SPOCK3: variants seen among roughly 807,000 people sequenced by gnomAD.
SPOCK3 encodes the protein SPARC (osteonectin), cwcv and kazal like domains proteoglycan 3.
SPOCK3 carries 30 observed loss-of-function variants against 56.6 expected under a neutral mutation model. The ratio of observed to expected loss-of-function variants is 0.53; its 90% CI spans 0.40 to 0.72. The LOEUF (loss-of-function observed/expected upper bound fraction) is 0.72, where lower values mean the gene tolerates loss of function less well. Among genes scored for constraint, SPOCK3 ranks in the 30% least tolerant of loss-of-function variants. SPOCK3 has a pLI of 0.00. For synonymous variants in SPOCK3, 196 were observed against 183.3 expected (o/e 1.07, Z -0.56); for missense variants, 527 against 530.0 (o/e 0.99, Z 0.06).
chr4:167,139,124 T>C (rs756744056), intron 2 of SPOCK3, among the ~76,000 whole-genome samples: 90 of 152,004 alleles, frequency 5.9e-4, no homozygotes, highest in Non-Finnish European at 1.1e-3. Context: ...CCTTCAATTC[T>C]ACAACCATGT....
intron 6 of SPOCK3, among the ~76,000 whole-genome samples, chr4:166,838,840 G>A (rs960374187): frequency 2.0e-5 from 3 of 149,780 alleles, no homozygotes; most frequent in Non-Finnish European, 4.4e-5. Context: ...GCAGACACCT[G>A]TAATCCAGCT....
At chr4:166,814,516 T>A (rs1396354965) in intron 6 of SPOCK3, among the ~76,000 whole-genome samples, 1 of 152,084 alleles carries the variant, frequency 6.6e-6, no homozygotes, top group Non-Finnish European at 1.5e-5. Context: ...TAAGCTGGCT[T>A]GCTGATTCTT....
chr4:167,198,908 ATTAAT>A (rs1268425253), intron 2 of SPOCK3, among the ~76,000 whole-genome samples: 1 of 152,164 alleles, frequency 6.6e-6, no homozygotes, highest in African/African-American at 2.4e-5. Flanking sequence ...AAGTTTATTT[ATTAAT>A]TTAAGAAGCT....
intron 3 of SPOCK3, among the ~76,000 whole-genome samples, chr4:167,017,565 AC>A (rs1409906690): frequency 6.6e-6 from 1 of 151,992 alleles, no homozygotes; most frequent in African/African-American, 2.4e-5. Context: ...CCCACCTTAC[AC>A]CCAGACTGAC....
chr4:167,046,429 C>CT (rs376740568), intron 3 of SPOCK3, among the ~76,000 whole-genome samples: 4 of 91,258 alleles, frequency 4.4e-5, no homozygotes, highest in Non-Finnish European at 9.6e-5. Context: ...CCTTTATTAT[C>CT]TTTTTTTTCT....
chr4:166,768,896 T>G (rs1037794637), intron 7 of SPOCK3, among the ~76,000 whole-genome samples: 2 of 152,176 alleles, frequency 1.3e-5, no homozygotes, highest in South Asian at 4.1e-4. Context: ...CTTTTTACCC[T>G]TTTTTCTCCA....
At chr4:166,884,026 A>G (rs1005648541) in intron 6 of SPOCK3, among the ~76,000 whole-genome samples, 1 of 152,210 alleles carries the variant, frequency 6.6e-6, no homozygotes, top group African/African-American at 2.4e-5. Flanking sequence ...ATCAAGAAGC[A>G]GTATATAACT....
chr4:167,008,285 A>G (rs994277631), intron 3 of SPOCK3, among the ~76,000 whole-genome samples: 4 of 152,022 alleles, frequency 2.6e-5, no homozygotes, highest in Non-Finnish European at 2.9e-5. Flanking sequence ...TACCATGTCG[A>G]TCCTACTGTA....
intron 8 of SPOCK3, among the ~76,000 whole-genome samples, chr4:166,749,589 A>C (rs936219481): frequency 1.3e-5 from 2 of 152,092 alleles, no homozygotes; most frequent in Non-Finnish European, 2.9e-5. Flanking sequence ...ATACATATGT[A>C]ACAAACCTGC....
chr4:167,158,366 G>T (rs905950510), intron 2 of SPOCK3, among the ~76,000 whole-genome samples: 1 of 151,906 alleles, frequency 6.6e-6, no homozygotes, highest in African/African-American at 2.4e-5. Context: ...ATATTAAAAT[G>T]TCATGCCTGG....
intron 2 of SPOCK3, among the ~76,000 whole-genome samples, chr4:167,087,567 A>G (rs1348197605): frequency 6.6e-6 from 1 of 152,164 alleles, no homozygotes; most frequent in Non-Finnish European, 1.5e-5. Flanking sequence ...AACAATTCTT[A>G]CAACATTTCA....
chr4:167,205,125 GA>G (rs1314800621), intron 2 of SPOCK3, among the ~76,000 whole-genome samples: 9 of 100,156 alleles, frequency 9.0e-5, no homozygotes, highest in Admixed American at 1.4e-4. Context: ...ATGCCTGACT[GA>G]AAAAAAAAAT....
chr4:166,787,426 A>G (rs1740847816), intron 7 of SPOCK3, among the ~76,000 whole-genome samples: 1 of 152,182 alleles, frequency 6.6e-6, no homozygotes, highest in African/African-American at 2.4e-5. Context: ...TAATAAAAAT[A>G]GAGATTGCTG....
At chr4:167,111,723 T>C (rs1402193377) in intron 2 of SPOCK3, among the ~76,000 whole-genome samples, 1 of 151,724 alleles carries the variant, frequency 6.6e-6, no homozygotes, top group Non-Finnish European at 1.5e-5. Context: ...TTCATAACAA[T>C]AGACTATAAA....
chr4:166,833,641 C>T (rs1680513737), intron 6 of SPOCK3, among the ~76,000 whole-genome samples: 1 of 152,200 alleles, frequency 6.6e-6, no homozygotes, highest in Non-Finnish European at 1.5e-5. Context: ...ATTTGCCCCA[C>T]ATATTCCCCA....
intron 2 of SPOCK3, among the ~76,000 whole-genome samples, chr4:167,205,392 T>TAAAA (rs1734090914): frequency 2.5e-5 from 1 of 39,600 alleles, no homozygotes; most frequent in African/African-American, 1.2e-4. Context: ...TATATATATT[T>TAAAA]TATATATAAT....
chr4:166,770,714 A>G (rs1362278415), intron 7 of SPOCK3, among the ~76,000 whole-genome samples: 1 of 152,180 alleles, frequency 6.6e-6, no homozygotes, highest in Non-Finnish European at 1.5e-5. Context: ...CCCTTAGATA[A>G]AAAGGTAGAG....
chr4:167,129,165 T>G (rs1762517740), intron 2 of SPOCK3, among the ~76,000 whole-genome samples: 1 of 152,176 alleles, frequency 6.6e-6, no homozygotes. Flanking sequence ...CCACAAAGAC[T>G]TCAGAAATGC....
chr4:166,831,886 G>T (rs1442966488), intron 6 of SPOCK3, among the ~76,000 whole-genome samples: 1 of 150,988 alleles, frequency 6.6e-6, no homozygotes, highest in Non-Finnish European at 1.5e-5. Context: ...CTGCTCGCGT[G>T]TCTTCTTTTG....
Sources: gnomAD v4.1 joint callset for allele counts (sites outside exome capture counted in the v4.1 genomes callset) on GRCh38, gnomAD v4.1.1 for gene constraint, MANE v1.5 for transcripts, NCBI Gene and HGNC (gene_info 2026-07-23, HGNC 2026-07-21) for gene names.